Variants in HPS3 observed in about 807,000 individuals in gnomAD.
HPS3 encodes HPS3 biogenesis of lysosomal organelles complex 2 subunit 1, also known as BLOC-2 complex member HPS3.
In HPS3, 79 loss-of-function variants were observed where a neutral mutation model predicts 110.9. The ratio of observed to expected loss-of-function variants is 0.71; its 90% CI spans 0.59 to 0.86. The LOEUF is 0.86. Among genes scored for constraint, HPS3 ranks in the 40% least tolerant of loss-of-function variants. The pLI, the probability that HPS3 is intolerant of heterozygous loss-of-function variation, is 0.00. For synonymous variants in HPS3, 428 were observed against 451.0 expected (o/e 0.95, Z 0.65); for missense variants, 1,197 against 1,206.2 (o/e 0.99, Z 0.11).
At chr3:149,168,219 A>T in intron 16 of HPS3, 1 of 472,426 alleles carries the variant, frequency 2.1e-6, no homozygotes, top group South Asian at 2.4e-5. Flanking sequence ...TTAACAAATT[A>T]TCACAGTCAT....
intron 6 of HPS3, among the ~76,000 whole-genome samples, chr3:149,151,587 T>TAAAAAAA (rs1167453087): frequency 0.014 from 581 of 40,322 alleles, 49 homozygotes; most frequent in South Asian, 0.035. Flanking sequence ...GCTTGGTTTC[T>TAAAAAAA]AAAAAAAAAA....
At chr3:149,171,834 A>G (rs1436516853) in intron 16 of HPS3, among the ~76,000 whole-genome samples, 1 of 151,484 alleles carries the variant, frequency 6.6e-6, no homozygotes, top group African/African-American at 2.4e-5. Flanking sequence ...CCTCCTGAGT[A>G]GCTAGGATTA....
At position 149,157,521 on chromosome 3, in the gene HPS3, T is replaced by C. The variant is rs1723530648; in HGVS notation, c.1681T>C (p.Cys561Arg). Residue 561 changes from cysteine to arginine, a missense_variant, in exon 9 of 17, where the codon TGT becomes CGT. Cys to Arg is a radical substitution (Grantham distance 180). Coordinates refer to ENST00000296051, the MANE Select transcript of HPS3 (RefSeq NM_032383.5). Reference sequence around the variant, plus strand: ...GGAAAGCTGTGGGCACCTTGGGGACTGTTACAGCAGGTGGGTGACACCTCT... The same window carrying C: ...GGAAAGCTGTGGGCACCTTGGGGACCGTTACAGCAGGTGGGTGACACCTCT... The part of the protein sequence containing the change: ...FKESCGHLGD[C>R]YSRLDSQHSH... The C allele has an allele frequency of 6.2e-7, 1 of 1,613,712 alleles. No individual in the cohort carries two copies. Among genetic ancestry groups the C allele is most frequent in the Non-Finnish European group, 8.5e-7 (1 of 1,179,694 alleles).
At chr3:149,158,257 C>T (rs1434512942) in intron 9 of HPS3, among the ~76,000 whole-genome samples, 2 of 152,062 alleles carry the variant, frequency 1.3e-5, no homozygotes, top group Non-Finnish European at 2.9e-5. Flanking sequence ...CAGACTTTTC[C>T]TCCTATAAAC....
intron 4 of HPS3, among the ~76,000 whole-genome samples, chr3:149,143,650 A>T (rs7340616): frequency 0.026 from 3,975 of 152,282 alleles, 190 homozygotes; most frequent in African/African-American, 0.091. Flanking sequence ...GAGATTTTGG[A>T]AAGATATTAC....
In HPS3 at chr3:149,141,200, CTT is replaced by C. The variant is rs10693502; in HGVS notation, c.884+24_884+25del. Reference sequence around the variant, plus strand: ...CACCTGCTCTATAGGTATTATAGTGCTTTTTTTTTTTTTACCAGCATTTTATG... The same window carrying C: ...CACCTGCTCTATAGGTATTATAGTGCTTTTTTTTTTTACCAGCATTTTATG... On this transcript the variant is annotated intron_variant, in intron 3 of 16. Coordinates refer to ENST00000296051, the MANE Select transcript of HPS3 (RefSeq NM_032383.5). The C allele has an allele frequency of 4.0e-4, 612 of 1,518,160 alleles. No individual in the cohort carries two copies. Among genetic ancestry groups the C allele is most frequent in the Admixed American group, 9.2e-4 (51 of 55,202 alleles). The allele number at this position is 1,518,160 out of a possible 1,614,324, so 94.0% of individuals were successfully genotyped here. A position where few individuals can be genotyped will look rare whatever the true frequency, so the allele number is the denominator to read the frequency against.
chr3:149,168,861 C>T (rs911746469), intron 16 of HPS3, among the ~76,000 whole-genome samples: 1 of 152,158 alleles, frequency 6.6e-6, no homozygotes, highest in Non-Finnish European at 1.5e-5. Context: ...GTTAGTGGAG[C>T]ACTTTCCAGT....
chr3:149,144,807 A>G (rs1722694726), intron 4 of HPS3, among the ~76,000 whole-genome samples: 1 of 152,212 alleles, frequency 6.6e-6, no homozygotes, highest in Non-Finnish European at 1.5e-5. Context: ...TAAGTATAAA[A>G]TACACACTAG....
At chr3:149,157,949 G>T (rs1723556657) in intron 9 of HPS3, among the ~76,000 whole-genome samples, 1 of 152,150 alleles carries the variant, frequency 6.6e-6, no homozygotes, top group Non-Finnish European at 1.5e-5. Flanking sequence ...TTAGCTGAAG[G>T]ACTTTTTTCC....
intron 6 of HPS3, among the ~76,000 whole-genome samples, chr3:149,151,587 TAAAAAAAAAAAAAAAAAA>T (rs1167453087): frequency 9.9e-5 from 4 of 40,300 alleles, no homozygotes; most frequent in Non-Finnish European, 2.0e-4. Flanking sequence ...GCTTGGTTTC[TAAAAAAAAAAAAAAAAAA>T]AAAAAAAAAA....
rs146627855 is a variant in HPS3 at position 149,143,908 on chromosome 3, A to C, written c.971-1446A>C. ...TATGAAAAATTACAGCCACATGTAGATAGAAAATAGTGCAGTGAACCCCCA... is the reference window on the plus strand; with the variant it reads ...TATGAAAAATTACAGCCACATGTAGCTAGAAAATAGTGCAGTGAACCCCCA... On this transcript the variant is annotated intron_variant, in intron 4 of 16. Coordinates refer to ENST00000296051, the MANE Select transcript of HPS3 (RefSeq NM_032383.5). 1.2e-3 allele frequency among the ~76,000 whole-genome samples: 188 copies of C among 152,290 alleles called. 1 individual carries two copies. The highest frequency in any genetic ancestry group is 4.3e-3 in the African/African-American group (180 of 41,546).
At chr3:149,170,980 A>T (rs141886168) in intron 16 of HPS3, among the ~76,000 whole-genome samples, 21 of 152,202 alleles carry the variant, frequency 1.4e-4, no homozygotes, top group African/African-American at 4.8e-4. Flanking sequence ...ATTCCTTAAT[A>T]TTTAAAATGT....
In HPS3 at chr3:149,173,645, C is replaced by T. The variant is rs1243362390; in HGVS notation, c.*1423C>T. On this transcript the variant is annotated 3_prime_UTR_variant, in exon 17 of 17. Transcript: ENST00000296051. ...CATTCCAAAGTAACATTCTATTTTA[C>T]ACTTTCACATACATTGTTATGAATC... The T allele has an allele frequency of 1.0e-5, 10 of 998,628 alleles. No individual in the cohort carries two copies. Among genetic ancestry groups the T allele is most frequent in the South Asian group, 8.8e-5 (6 of 67,844 alleles). The allele number at this position is 998,628 out of a possible 1,614,324, so 61.9% of individuals were successfully genotyped here.
chr3:149,171,285 A>T (rs988737331), intron 16 of HPS3, among the ~76,000 whole-genome samples: 1 of 152,198 alleles, frequency 6.6e-6, no homozygotes, highest in Non-Finnish European at 1.5e-5. Context: ...TCAAAAAAAA[A>T]AAATATATTG....
At chr3:149,159,941 G>A in intron 10 of HPS3, 105 bp from the exon 11 acceptor site, 1 of 805,704 alleles carries the variant, frequency 1.2e-6, no homozygotes, top group Non-Finnish European at 2.2e-6. Flanking sequence ...TATCTTACTT[G>A]GAATGTTTGT....
intron 3 of HPS3, 25 bp downstream of exon 3, chr3:149,141,213 T>TTTTTTAC: frequency 6.3e-7 from 1 of 1,591,360 alleles, no homozygotes. Flanking sequence ...TTTTTTTTTT[T>TTTTTTAC]ACCAGCATTT....
chr3:149,140,551 A>G, intron 2 of HPS3, 53 bp downstream of exon 2: 2 of 1,597,378 alleles, frequency 1.3e-6, no homozygotes, highest in Non-Finnish European at 1.7e-6. Flanking sequence ...GAAAACCTTC[A>G]CCTTTGGCAG....
At chr3:149,144,948 T>A (rs184839234) in intron 4 of HPS3, among the ~76,000 whole-genome samples, 1 of 152,368 alleles carries the variant, frequency 6.6e-6, no homozygotes, top group Admixed American at 6.5e-5. Context: ...TTTTTACTTT[T>A]AAAAATGTGA....
chr3:149,161,122 T>C lies in HPS3; in HGVS notation c.2106+843T>C, dbSNP rs1417210829. On this transcript the variant is annotated intron_variant, in intron 11 of 16. Transcript: ENST00000296051. ...CGTAAGTGCTTTATCACTATACAAA[T>C]GACATGCTTTGTTATGATGAGGAGA... 2.6e-5 allele frequency among the ~76,000 whole-genome samples: 4 copies of C among 152,224 alleles called. No individual in the cohort carries two copies. The East Asian group carries it at 7.7e-4, about 29-fold the overall frequency.
Sources: gnomAD v4.1 joint callset for allele counts (sites outside exome capture counted in the v4.1 genomes callset) on GRCh38, gnomAD v4.1.1 for gene constraint, MANE v1.5 for transcripts, NCBI Gene and HGNC (gene_info 2026-07-23, HGNC 2026-07-21) for gene names.